Variants in NCOA1 observed in about 807,000 individuals in gnomAD.
NCOA1 encodes nuclear receptor coactivator 1.
A neutral mutation model predicts 150.9 loss-of-function variants in NCOA1; 35 were observed. That is an observed-to-expected ratio of 0.23 (90% CI 0.18 to 0.31). The LOEUF (loss-of-function observed/expected upper bound fraction) is 0.31, where lower values mean the gene tolerates loss of function less well. NCOA1 is among the 10% of genes least tolerant of loss of function. The probability of loss-of-function intolerance (pLI) is 1.00; values close to 1 mark genes in which losing one functional copy is unlikely to be tolerated. For synonymous variants in NCOA1, 590 were observed against 630.0 expected, an observed-to-expected ratio of 0.94 and a Z score of 0.95; for missense variants, 1,491 against 1,749.3, an observed-to-expected ratio of 0.85 and a Z score of 2.63.
At chr2:24,642,007 C>CGTGTGTGTGTGT (rs58991961) in intron 3 of NCOA1, among the ~76,000 whole-genome samples, 2,053 of 144,986 alleles carry the variant, frequency 0.014, 52 homozygotes, top group African/African-American at 0.05. Context: ...TTACAGAGGG[C>CGTGTGTGTGTGT]GTGTGTGTGT....
At chr2:24,602,681 G>A (rs904879016) in intron 3 of NCOA1, among the ~76,000 whole-genome samples, 47 of 151,754 alleles carry the variant, frequency 3.1e-4, no homozygotes, top group Non-Finnish European at 1.2e-4. Context: ...TAAATAAAAC[G>A]TTTTAAATAA....
intron 2 of NCOA1, among the ~76,000 whole-genome samples, chr2:24,580,984 G>A (rs759657268): frequency 7.9e-5 from 12 of 152,138 alleles, no homozygotes; most frequent in Non-Finnish European, 1.6e-4. Flanking sequence ...TTTCCTGTGG[G>A]GATACAAGTC....
chr2:24,658,161 T>G (rs1286133271), intron 4 of NCOA1, among the ~76,000 whole-genome samples: 1 of 152,230 alleles, frequency 6.6e-6, no homozygotes, highest in African/African-American at 2.4e-5. Context: ...AATCTAAATC[T>G]AGTTTATCAC....
rs1217788080 is a variant in NCOA1, at chr2:24,711,123, G to A, written c.2599+12G>A. 5 of 1,602,068 alleles carry A rather than the reference G, an allele frequency of 3.1e-6. No homozygotes were observed. The highest frequency in any genetic ancestry group is 2.7e-5 in the African/African-American group (2 of 74,658). On this transcript the variant is annotated intron_variant, in intron 14 of 22. Coordinates refer to ENST00000348332, the MANE Select transcript of NCOA1 (RefSeq NM_003743.5). ...TTCCAGGCTAAATAGTATGTTCTGG[G>A]GACAACACCTCATTTTAAACGTTTA...
At chr2:24,746,525 G>A (rs1304920822) in intron 19 of NCOA1, among the ~76,000 whole-genome samples, 1 of 152,178 alleles carries the variant, frequency 6.6e-6, no homozygotes, top group African/African-American at 2.4e-5. Flanking sequence ...CTGGGCAATA[G>A]AGCAAGCCTC....
chr2:24,636,368 T>C (rs1041284095), intron 3 of NCOA1, among the ~76,000 whole-genome samples: 5 of 152,182 alleles, frequency 3.3e-5, no homozygotes, highest in Admixed American at 1.3e-4. Flanking sequence ...TTAAATGTTA[T>C]TTTCCAGTTG....
chr2:24,724,440 C>T (rs1409348432), intron 14 of NCOA1, among the ~76,000 whole-genome samples: 1 of 152,116 alleles, frequency 6.6e-6, no homozygotes, highest in African/African-American at 2.4e-5. Context: ...AAGAAAGTCG[C>T]AAAAGGTTGA....
At chr2:24,752,960 G>A (rs1358226388) in intron 20 of NCOA1, among the ~76,000 whole-genome samples, 2 of 150,578 alleles carry the variant, frequency 1.3e-5, no homozygotes, top group Non-Finnish European at 3.0e-5. Context: ...ATTTGGTTGT[G>A]TCTTAGTTAT....
At chr2:24,748,981 A>C (rs1664079114) in intron 19 of NCOA1, among the ~76,000 whole-genome samples, 1 of 152,200 alleles carries the variant, frequency 6.6e-6, no homozygotes, top group African/African-American at 2.4e-5. Flanking sequence ...CACCTTTATA[A>C]CTTTCTCTTC....
At chr2:24,510,242 G>A (rs1054964836) in intron 1 of NCOA1, among the ~76,000 whole-genome samples, 1 of 152,110 alleles carries the variant, frequency 6.6e-6, no homozygotes, top group Non-Finnish European at 1.5e-5. Context: ...GTAGAGATGG[G>A]GTTTCACCAT....
intron 4 of NCOA1, among the ~76,000 whole-genome samples, chr2:24,654,868 A>G (rs944531355): frequency 6.6e-6 from 1 of 151,818 alleles, no homozygotes; most frequent in Non-Finnish European, 1.5e-5. Context: ...TCTTCCATTT[A>G]TCATTCTCTT....
intron 10 of NCOA1, among the ~76,000 whole-genome samples, chr2:24,696,937 A>G (rs779392649): frequency 6.6e-6 from 1 of 151,904 alleles, no homozygotes; most frequent in African/African-American, 2.4e-5. Flanking sequence ...ATTCTGTAAA[A>G]CGTAATAAAA....
At chr2:24,735,146 A>G (rs1663231023) in intron 17 of NCOA1, among the ~76,000 whole-genome samples, 1 of 152,212 alleles carries the variant, frequency 6.6e-6, no homozygotes, top group African/African-American at 2.4e-5. Context: ...TAAAGGAAAA[A>G]GTAAATGTTT....
chr2:24,735,660 A>C (rs1487403729), intron 17 of NCOA1, among the ~76,000 whole-genome samples: 1 of 152,172 alleles, frequency 6.6e-6, no homozygotes, highest in Non-Finnish European at 1.5e-5. Flanking sequence ...TAATGAATAA[A>C]TCCCCAGTTG....
intron 1 of NCOA1, among the ~76,000 whole-genome samples, chr2:24,523,258 A>T (rs1664497167): frequency 6.6e-6 from 1 of 152,128 alleles, no homozygotes; most frequent in African/African-American, 2.4e-5. Context: ...TGCTAAATAG[A>T]TTGTTATTAT....
At chr2:24,551,071 G>A (rs1237260720) in intron 1 of NCOA1, among the ~76,000 whole-genome samples, 1 of 151,446 alleles carries the variant, frequency 6.6e-6, no homozygotes, top group Non-Finnish European at 1.5e-5. Context: ...CTCCAGCCTG[G>A]GTGACAGAGG....
At chr2:24,639,820 G>A (rs1338763819) in intron 3 of NCOA1, among the ~76,000 whole-genome samples, 1 of 150,046 alleles carries the variant, frequency 6.7e-6, no homozygotes, top group Admixed American at 6.6e-5. Flanking sequence ...CCTGGGAGGC[G>A]GAGGTTGCAG....
At chr2:24,566,692 A>G (rs755044064) in intron 2 of NCOA1, among the ~76,000 whole-genome samples, 1 of 152,134 alleles carries the variant, frequency 6.6e-6, no homozygotes, top group Admixed American at 6.5e-5. Flanking sequence ...ACCATTGTTC[A>G]TGGTGCCCAG....
At chr2:24,555,115 A>G (rs1039352536) in intron 1 of NCOA1, among the ~76,000 whole-genome samples, 9 of 152,158 alleles carry the variant, frequency 5.9e-5, no homozygotes, top group African/African-American at 1.2e-4. Flanking sequence ...GAGAGAGGGG[A>G]CTTCCGAGAG....
Sources: allele counts gnomAD v4.1 joint callset (sites outside exome capture counted in the v4.1 genomes callset), GRCh38; gene constraint gnomAD v4.1.1; transcripts MANE v1.5; gene names NCBI Gene and HGNC (gene_info 2026-07-23, HGNC 2026-07-21).